Variants in POF1B observed in about 807,000 individuals in gnomAD.
The protein encoded by POF1B is protein POF1B.
In POF1B, 53 loss-of-function variants were observed where a neutral mutation model predicts 55.3. That is an observed-to-expected ratio of 0.96 (90% CI 0.77 to 1.20). The LOEUF (loss-of-function observed/expected upper bound fraction) is 1.20, where lower values mean the gene tolerates loss of function less well. Ranked by LOEUF, POF1B falls within the 50% of genes most tolerant of loss-of-function variation. The probability of loss-of-function intolerance (pLI) is 0.00; values close to 1 mark genes in which losing one functional copy is unlikely to be tolerated. For missense variants in POF1B, 478 were observed against 420.5 expected (o/e 1.14, Z -1.20); for synonymous variants, 188 against 148.3 (o/e 1.27, Z -1.95).
At chrX:85,339,043 C>G (rs893693518) in intron 6 of POF1B, among the ~76,000 whole-genome samples, 12 of 110,584 alleles carry the variant, frequency 1.1e-4, no homozygotes, top group Admixed American at 2.9e-4. Flanking sequence ...AGAAGGGGGG[C>G]TGTTCTCATG....
chrX:85,280,655 TAAG>T (rs759760298), intron 16 of POF1B, among the ~76,000 whole-genome samples: 13 of 111,276 alleles, frequency 1.2e-4, no homozygotes, highest in Admixed American at 3.8e-4. Flanking sequence ...AATTTTATCA[TAAG>T]AAGTCAAAGG....
intron 15 of POF1B, 24 bp from the exon 16 acceptor site, chrX:85,282,341 T>A (rs777621973): frequency 9.7e-7 from 1 of 1,025,850 alleles, no homozygotes; most frequent in South Asian, 2.5e-5. Context: ...AAGAGTTAGT[T>A]TACAGGCTGC....
chrX:85,378,412 G>C lies in POF1B; in HGVS notation c.282+761C>G, dbSNP rs749161734. On this transcript the variant is annotated intron_variant, in intron 2 of 16. Transcript: ENST00000262753. ...CTGTTAATTTTATACAGTCTTGCAG[G>C]GTTACCTTGTATTTATTGGGAAGGT... Among the ~76,000 whole-genome samples, 2 of 111,609 alleles carry C rather than the reference G, an allele frequency of 1.8e-5. 1 individual carries two copies.
intron 15 of POF1B, among the ~76,000 whole-genome samples, chrX:85,295,220 G>T (rs935166140): frequency 9.0e-6 from 1 of 111,157 alleles, no homozygotes; most frequent in Admixed American, 9.5e-5. Flanking sequence ...ATTTCATTCA[G>T]TTTTTTTCTA....
intron 15 of POF1B, among the ~76,000 whole-genome samples, chrX:85,299,191 C>CTTT (rs765012797): frequency 8.0e-5 from 6 of 74,885 alleles, no homozygotes; most frequent in Non-Finnish European, 1.3e-4. Flanking sequence ...CTTTTTTTTT[C>CTTT]TTTTTTTTTT....
intron 2 of POF1B, among the ~76,000 whole-genome samples, chrX:85,370,207 G>T (rs144718574): frequency 0.03 from 3,367 of 112,065 alleles, 67 homozygotes; most frequent in Middle Eastern, 0.07. Flanking sequence ...CAGATGTTAA[G>T]ATAATAGATG....
chrX:85,360,766 T>G (rs1028004508), intron 3 of POF1B, among the ~76,000 whole-genome samples: 1 of 108,128 alleles, frequency 9.2e-6, no homozygotes, highest in Non-Finnish European at 1.9e-5. Context: ...GGTAGTTCTA[T>G]TTTTGGCCCT....
At chrX:85,361,869 T>C (rs911150519) in intron 3 of POF1B, among the ~76,000 whole-genome samples, 1 of 111,042 alleles carries the variant, frequency 9.0e-6, no homozygotes, top group East Asian at 2.8e-4. Flanking sequence ...CATGTTTGTG[T>C]CATCTCTGAT....
intron 4 of POF1B, among the ~76,000 whole-genome samples, chrX:85,352,156 G>T (rs1405831211): frequency 9.0e-6 from 1 of 110,913 alleles, no homozygotes; most frequent in African/African-American, 3.3e-5. Context: ...AACTGGGGAC[G>T]AGCTAATAAG....
chrX:85,363,046 A>G (rs763373450), intron 3 of POF1B, among the ~76,000 whole-genome samples: 50 of 111,233 alleles, frequency 4.5e-4, no homozygotes, highest in Non-Finnish European at 5.1e-4. Flanking sequence ...AGGTGTTTGT[A>G]GCAGTTTCTA....
chrX:85,333,037 C>T (rs888855807), intron 6 of POF1B, among the ~76,000 whole-genome samples: 1 of 111,140 alleles, frequency 9.0e-6, no homozygotes, highest in Non-Finnish European at 1.9e-5. Context: ...TCTATATCTA[C>T]ATATTCTATA....
chrX:85,338,607 C>T (rs1199940105), intron 6 of POF1B, among the ~76,000 whole-genome samples: 1 of 111,233 alleles, frequency 9.0e-6, no homozygotes, highest in African/African-American at 3.3e-5. Context: ...ATTTGCAAAC[C>T]TTTTTCTCAT....
rs567452822 is a variant in POF1B at position 85,345,192 on chromosome X, T to C, written c.723+668A>G. 3.7e-4 allele frequency among the ~76,000 whole-genome samples: 41 copies of C among 111,198 alleles called. No individual in the cohort carries two copies. The South Asian group carries it at 0.015, about 40-fold the overall frequency. On this transcript the variant is annotated intron_variant, in intron 6 of 16. Coordinates refer to ENST00000262753, the MANE Select transcript of POF1B (RefSeq NM_024921.4). ...GATTCCCCATTGTTCCAGTTATTAA[T>C]ATTAGTTTTACCAACATACAAGAAA...
At chrX:85,335,456 C>A (rs1219519051) in intron 6 of POF1B, among the ~76,000 whole-genome samples, 1 of 111,149 alleles carries the variant, frequency 9.0e-6, no homozygotes, top group Non-Finnish European at 1.9e-5. Flanking sequence ...ATAGTTAATC[C>A]AGTGGGCATT....
chrX:85,345,185 T>C (rs758018011), intron 6 of POF1B, among the ~76,000 whole-genome samples: 1 of 111,202 alleles, frequency 9.0e-6, no homozygotes, highest in Non-Finnish European at 1.9e-5. Context: ...ATTGTTCCAG[T>C]TATTAATATT....
At chrX:85,318,651 G>C (rs1006616550) in intron 7 of POF1B, among the ~76,000 whole-genome samples, 6 of 111,322 alleles carry the variant, frequency 5.4e-5, no homozygotes, top group African/African-American at 1.3e-4. Context: ...GCTTATTTTT[G>C]TAGATTTTGT....
At chrX:85,298,619 G>A (rs1932366436) in intron 15 of POF1B, among the ~76,000 whole-genome samples, 1 of 111,991 alleles carries the variant, frequency 8.9e-6, no homozygotes, top group East Asian at 2.8e-4. Flanking sequence ...TGGAGAATTT[G>A]CTGGTTTGTT....
At chrX:85,314,580 G>T in intron 8 of POF1B, 74 bp from the exon 9 acceptor site, 1 of 684,795 alleles carries the variant, frequency 1.5e-6, no homozygotes, top group Non-Finnish European at 2.1e-6. Context: ...AGACTTTTGT[G>T]TAATGGGACA....
chrX:85,378,873 T>G (rs964381052), intron 2 of POF1B, among the ~76,000 whole-genome samples: 2 of 112,400 alleles, frequency 1.8e-5, no homozygotes, highest in Admixed American at 9.4e-5. Context: ...TGAGAACTGC[T>G]TTGCAGTAGG....
Sources: gnomAD v4.1 joint callset for allele counts (sites outside exome capture counted in the v4.1 genomes callset) on GRCh38, gnomAD v4.1.1 for gene constraint, MANE v1.5 for transcripts, NCBI Gene and HGNC (gene_info 2026-07-23, HGNC 2026-07-21) for gene names.